Variants in KASH5 observed in about 807,000 individuals in gnomAD.
KASH5 encodes the protein KASH domain containing 5.
KASH5 carries 72 observed loss-of-function variants against 84.2 expected under a neutral mutation model. The ratio of observed to expected loss-of-function variants is 0.85; its 90% confidence interval spans 0.71 to 1.04. The LOEUF (loss-of-function observed/expected upper bound fraction) is 1.04. KASH5 is among the 50% of genes least tolerant of loss of function. KASH5 has a pLI of 0.00. For missense variants in KASH5, 650 were observed against 701.0 expected, an observed-to-expected ratio of 0.93 and a Z score of 0.82; for synonymous variants, 260 against 279.1, an observed-to-expected ratio of 0.93 and a Z score of 0.68.
rs150039042 is a variant in KASH5, at chr19:49,398,719, C to T, written c.630-306C>T. On this transcript the variant is annotated intron_variant, in intron 7 of 19. Coordinates refer to ENST00000447857, the MANE Select transcript of KASH5 (RefSeq NM_144688.5). ...TCTCTGATTCTTCATGTCACTCGCC[C>T]TTTCATCTCTCTGTGCTTTGTCATT... 4.5e-4 allele frequency among the ~76,000 whole-genome samples: 68 copies of T among 152,208 alleles called. No homozygotes were observed. The East Asian group carries it at 0.013, about 29-fold the overall frequency.
At chr19:49,397,926 CG>C in intron 6 of KASH5, 55 bp from the exon 7 acceptor site, 2 of 1,579,096 alleles carry the variant, frequency 1.3e-6, no homozygotes, top group East Asian at 2.3e-5. Flanking sequence ...TACCTCGACC[CG>C]GGGAAATGAG....
Position 49,399,371 on chromosome 19 carries a change from G to GTTGTGT in KASH5, c.748-83_748-78dup. On this transcript the variant is annotated intron_variant, in intron 8 of 19. Coordinates refer to ENST00000447857, the MANE Select transcript of KASH5 (RefSeq NM_144688.5). This position sits in a 1 kb window ranked among gnomAD's most constrained non-coding sequence, Gnocchi z 4.4. Reference sequence around the variant, plus strand: ...CCCAGACCCATTCCCCCAGGCCCTGGTTGTGTTTTCAGGGGTGGGAGAAGG... The same window carrying GTTGTGT: ...CCCAGACCCATTCCCCCAGGCCCTGGTTGTGTTTGTGTTTTCAGGGGTGGGAGAAGG... 7.5e-7 allele frequency: 1 copy of GTTGTGT among 1,334,404 alleles called. No individual in the cohort carries two copies. The highest frequency in any genetic ancestry group is 1.1e-6 in the Non-Finnish European group (1 of 950,364). The allele number at this position is 1,334,404 out of a possible 1,614,324, so 82.7% of individuals were successfully genotyped here.
Position 49,395,876 on chromosome 19 carries a change from C to A in KASH5, c.400+43C>A. ...AGAATGAAGCAGGCAGGCCCTGGGT[C>A]AGACAGTGTGGGGACTTACCACCCA... On this transcript the variant is annotated intron_variant, in intron 5 of 19. Transcript: ENST00000447857. This position sits in a 1 kb window ranked among gnomAD's most constrained non-coding sequence, Gnocchi z 4.4. The A allele has an allele frequency of 6.6e-7, 1 of 1,514,198 alleles. No homozygotes were observed. The highest frequency in any genetic ancestry group is 1.2e-5 in the South Asian group (1 of 83,162). 93.8% of individuals were successfully genotyped at this position (1,514,198 alleles called of 1,614,324 possible). A position where few individuals can be genotyped will look rare whatever the true frequency, so the allele number is the denominator to read the frequency against.
At position 49,395,647 on chromosome 19, in the gene KASH5, C is replaced by G. The variant is rs1974150753; in HGVS notation, c.336-122C>G. The stretch of plus-strand genomic sequence containing the variant: ...TTGCCATCTGGCCTCACCCTCCTAC[C>G]CTGTGGTGCCAGCTCTCACCTGACC... On this transcript the variant is annotated intron_variant, in intron 4 of 19. Transcript: ENST00000447857. This position sits in a 1 kb window ranked among gnomAD's most constrained non-coding sequence, Gnocchi z 4.4. 2.1e-6 allele frequency: 2 copies of G among 959,846 alleles called. No homozygotes were observed. Among genetic ancestry groups the G allele is most frequent in the Non-Finnish European group, 3.2e-6 (2 of 628,254 alleles). The allele number at this position is 959,846 out of a possible 1,614,324, so 59.5% of individuals were successfully genotyped here.
chr19:49,397,974 G>T lies in KASH5; in HGVS notation c.468-8G>T. On this transcript the variant is annotated splice_polypyrimidine_tract_variant and splice_region_variant and intron_variant, in intron 6 of 19. Coordinates refer to ENST00000447857, the MANE Select transcript of KASH5 (RefSeq NM_144688.5). ...GGACAGTGACCTGAACCCCTTCCTT[G>T]CCCCTAGACAAGCCACAGCTGACCT... 3 of 1,613,336 alleles carry T rather than the reference G, an allele frequency of 1.9e-6. No homozygotes were observed. In the East Asian group the frequency reaches 6.7e-5, roughly 36 times the overall value.
rs1475425250 is a variant in KASH5, at chr19:49,416,224, T to C, written c.1375-791T>C. On this transcript the variant is annotated intron_variant, in intron 17 of 19. Transcript: ENST00000447857. The surrounding 1 kb of genome is among the most constrained non-coding windows in gnomAD (Gnocchi z 5.4). ...TGGTTTTTGTTTTGAGATGGAGTCTTGCTCTGTCGCCAGGCTGGAGTGCAG... is the reference window on the plus strand; with the variant it reads ...TGGTTTTTGTTTTGAGATGGAGTCTCGCTCTGTCGCCAGGCTGGAGTGCAG... 2.0e-5 allele frequency among the ~76,000 whole-genome samples: 3 copies of C among 152,350 alleles called. No homozygotes were observed. The highest frequency in any genetic ancestry group is 2.0e-4 in the Admixed American group (3 of 15,306).
intron 2 of KASH5, chr19:49,393,583 C>T (rs910355694): frequency 1.3e-5 from 2 of 152,298 alleles, no homozygotes; most frequent in African/African-American, 4.8e-5. Context: ...CCCAGTGGCT[C>T]CTGCAGTTGA....
rs781236026 is a variant in KASH5 at position 49,417,376 on chromosome 19, C to G, written c.1555C>G (p.Arg519Gly). 6.4e-6 allele frequency: 10 copies of G among 1,552,536 alleles called. No homozygotes were observed. Among genetic ancestry groups the G allele is most frequent in the African/African-American group, 1.4e-5 (1 of 73,224 alleles). The change falls in exon 20 of 20, where the codon CGA (arginine) becomes GGA (glycine). Residue 519 changes from arginine to glycine, a missense_variant. Arg to Gly is a moderately radical substitution (Grantham distance 125). Transcript: ENST00000447857. This position sits in a 1 kb window ranked among gnomAD's most constrained non-coding sequence, Gnocchi z 5.2. ...CTCCCACCTCCCCACCAGAGTCACT[C>G]GACATCCACTGATCCCAGCTCCTGT... ...CLPPQRLRVT[R>G]HPLIPAPVLG...
chr19:49,391,795 G>C (rs1371267900), intron 2 of KASH5: 1 of 152,224 alleles, frequency 6.6e-6, no homozygotes, highest in Non-Finnish European at 1.5e-5. Context: ...GGTTGAACGG[G>C]TGTGAAAGCT....
chr19:49,391,031 G>A lies in KASH5; in HGVS notation c.43+105G>A, dbSNP rs973775833. 8 of 1,330,688 alleles carry A rather than the reference G, an allele frequency of 6.0e-6. No homozygotes were observed. In the African/African-American group the frequency reaches 1.2e-4, roughly 20 times the overall value. 82.4% of individuals were successfully genotyped at this position (1,330,688 alleles called of 1,614,324 possible). A position where few individuals can be genotyped will look rare whatever the true frequency, so the allele number is the denominator to read the frequency against. On this transcript the variant is annotated intron_variant, in intron 2 of 19. Transcript: ENST00000447857. ...GGACTTGGGAGAGGTGGCTGGGGGTGGCTGAGCCTTTGCATGGGTGCAGAG... is the reference window on the plus strand; with the variant it reads ...GGACTTGGGAGAGGTGGCTGGGGGTAGCTGAGCCTTTGCATGGGTGCAGAG...
chr19:49,411,918 GGGAAGGAAGGAAGGAAGGAA>G lies in KASH5; in HGVS notation c.1270-1013_1270-994del, dbSNP rs56314106. 8.7e-3 allele frequency among the ~76,000 whole-genome samples: 1,110 copies of G among 128,242 alleles called. 15 individuals are homozygous for G. The highest frequency in any genetic ancestry group is 0.028 in the African/African-American group (919 of 33,208). 84.1% of individuals were successfully genotyped at this position (128,242 alleles called of 152,430 possible). On this transcript the variant is annotated intron_variant, in intron 15 of 19. Coordinates refer to ENST00000447857, the MANE Select transcript of KASH5 (RefSeq NM_144688.5). Reference sequence around the variant, plus strand: ...ATGGAAGGAGGGAGGGAGGGAAGGAGGGAAGGAAGGAAGGAAGGAAGGAAGGAAGGAAGGAAGGAAGGAAG... The same window carrying G: ...ATGGAAGGAGGGAGGGAGGGAAGGAGGGAAGGAAGGAAGGAAGGAAGGAAG...
In KASH5 at chr19:49,398,035, G is replaced by A. The variant is rs1448179710; in HGVS notation, c.521G>A (p.Arg174Gln). The change falls in exon 7 of 20, where the codon CGA (arginine) becomes CAA (glutamine). Residue 174 changes from arginine to glutamine, a missense_variant. By Grantham distance (43) the Arg-to-Gln change is conservative. Coordinates refer to ENST00000447857, the MANE Select transcript of KASH5 (RefSeq NM_144688.5). ...SSLEDLELSN[R>Q]RLVGENAKLQ... ...CTGGAGGACCTGGAGCTCAGCAACC[G>A]ACGTCTGGTTGGGGAGAATGCCAAA... 6.2e-6 allele frequency: 10 copies of A among 1,613,756 alleles called. No homozygotes were observed. The African/African-American group carries it at 8.0e-5, about 13-fold the overall frequency.
At chr19:49,397,220 G>T (rs966668079) in intron 5 of KASH5, among the ~76,000 whole-genome samples, 1 of 152,124 alleles carries the variant, frequency 6.6e-6, no homozygotes, top group Non-Finnish European at 1.5e-5. Context: ...AGAGGCTCTG[G>T]TGAGGATCCA....
chr19:49,402,039 C>G (rs886466834), intron 9 of KASH5, among the ~76,000 whole-genome samples: 1 of 150,596 alleles, frequency 6.6e-6, no homozygotes. Context: ...ATCAGGAGTT[C>G]GAGACCAGCC....
rs775418545 is a variant in KASH5, at chr19:49,395,751, C to G, written c.336-18C>G. The G allele has an allele frequency of 3.9e-6, 6 of 1,552,840 alleles. No homozygotes were observed. Among genetic ancestry groups the G allele is most frequent in the Non-Finnish European group, 5.2e-6 (6 of 1,148,600 alleles). On this transcript the variant is annotated intron_variant, in intron 4 of 19. Transcript: ENST00000447857. This position sits in a 1 kb window ranked among gnomAD's most constrained non-coding sequence, Gnocchi z 4.4. ...GGGCAGCTACAGTGGGGCGCTAAGC[C>G]TCATCCCTTTGATACAGGGGATTAG...
intron 1 of KASH5, chr19:49,390,219 G>T (rs955296505): frequency 4.6e-5 from 7 of 152,322 alleles, no homozygotes; most frequent in African/African-American, 1.7e-4. Flanking sequence ...CTCGCTTCCC[G>T]GAAGAGGCCA....
In KASH5 at chr19:49,410,189, T is replaced by C. The variant is rs561468747; in HGVS notation, c.1269+314T>C. On this transcript the variant is annotated intron_variant, in intron 15 of 19. Coordinates refer to ENST00000447857, the MANE Select transcript of KASH5 (RefSeq NM_144688.5). ...ATTACATTATTTAAAATCGTACTAC[T>C]GTAGGAAGGGAATAAGTAAGTTGTT... 4.6e-5 allele frequency among the ~76,000 whole-genome samples: 7 copies of C among 152,330 alleles called. No individual in the cohort carries two copies. In the South Asian group the frequency reaches 1.4e-3, roughly 32 times the overall value.
chr19:49,395,003 T>C lies in KASH5; in HGVS notation c.149-103T>C. 1.2e-6 allele frequency: 1 copy of C among 862,566 alleles called. No homozygotes were observed. Among genetic ancestry groups the C allele is most frequent in the Non-Finnish European group, 1.7e-6 (1 of 577,210 alleles). 53.4% of individuals were successfully genotyped at this position (862,566 alleles called of 1,614,324 possible). On this transcript the variant is annotated intron_variant, in intron 3 of 19. Transcript: ENST00000447857. This position sits in a 1 kb window ranked among gnomAD's most constrained non-coding sequence, Gnocchi z 4.4. ...TCTCCACTGGGCCATGGAGCAGGAG[T>C]GCCACCAGCCTAGCCAGTGACATCC...
rs185007630 is a variant in KASH5 at position 49,395,790 on chromosome 19, G to A, written c.357G>A (p.Glu119=). 91 of 1,563,952 alleles carry A rather than the reference G, an allele frequency of 5.8e-5. No individual in the cohort carries two copies. The East Asian group carries it at 1.1e-3, about 19-fold the overall frequency. Residue 119 remains glutamate (E), a synonymous_variant, in exon 5 of 20, where the codon GAG becomes GAA. Transcript: ENST00000447857. The surrounding 1 kb of genome is among the most constrained non-coding windows in gnomAD (Gnocchi z 4.4). ...ACAGGGGATTAGAGCTGGAAGAGGA[G>A]ACCGCCTTCCAGGGAGCCCTGACCT... ...QLHGGLELEE[E]TAFQGALTSR...
Sources: gnomAD v4.1 joint callset for allele counts (sites outside exome capture counted in the v4.1 genomes callset) on GRCh38, gnomAD v4.1.1 for gene constraint, Gnocchi (gnomAD v3.1) non-coding constraint, MANE v1.5 for transcripts, NCBI Gene and HGNC (gene_info 2026-07-23, HGNC 2026-07-21) for gene names.